SDK1: variants seen among roughly 807,000 people sequenced by gnomAD.
SDK1 encodes sidekick cell adhesion molecule 1.
Under a neutral mutation model 245.5 loss-of-function variants are expected in SDK1, and 157 were observed. The ratio of observed to expected loss-of-function variants is 0.64; its 90% CI spans 0.56 to 0.73. The LOEUF (loss-of-function observed/expected upper bound fraction) is 0.73, where lower values mean the gene tolerates loss of function less well. Ranked by LOEUF, SDK1 falls within the 30% of genes least tolerant of loss-of-function variation. The pLI, the probability that SDK1 is intolerant of heterozygous loss-of-function variation, is 0.00. For synonymous variants in SDK1, 1,647 were observed against 1,278.5 expected (o/e 1.29, Z -6.15); for missense variants, 3,583 against 3,002.3 (o/e 1.19, Z -4.52).
At chr7:3,962,607 T>C in intron 8 of SDK1, 50 bp from the exon 9 acceptor site, 1 of 1,445,340 alleles carries the variant, frequency 6.9e-7, no homozygotes, top group Non-Finnish European at 9.4e-7. Flanking sequence ...GCTTCAGTTC[T>C]CACGTCAGGA....
At chr7:3,500,885 C>T (rs1004914409) in intron 1 of SDK1, among the ~76,000 whole-genome samples, 1 of 151,594 alleles carries the variant, frequency 6.6e-6, no homozygotes, top group Non-Finnish European at 1.5e-5. Flanking sequence ...ATATTATTTT[C>T]TTCTATCATG....
chr7:4,015,840 A>C (rs1786351866), intron 16 of SDK1, among the ~76,000 whole-genome samples: 1 of 152,092 alleles, frequency 6.6e-6, no homozygotes, highest in Non-Finnish European at 1.5e-5. Context: ...TCTGCTTATC[A>C]TCATTTGTTT....
At chr7:3,630,612 G>C (rs1283023496) in intron 2 of SDK1, among the ~76,000 whole-genome samples, 3 of 151,938 alleles carry the variant, frequency 2.0e-5, no homozygotes, top group African/African-American at 4.8e-5. Context: ...CTCCAGCTTG[G>C]GTGACAGAGC....
chr7:3,971,349 C>G (rs1782472190), intron 11 of SDK1, 117 bp from the exon 12 acceptor site: 5 of 707,982 alleles, frequency 7.1e-6, no homozygotes, highest in South Asian at 3.2e-5. Context: ...CTCATTCTGC[C>G]AAGATGAGAG....
intron 1 of SDK1, among the ~76,000 whole-genome samples, chr7:3,437,637 C>G (rs944084077): frequency 2.6e-4 from 39 of 152,106 alleles, no homozygotes; most frequent in African/African-American, 9.4e-4. Context: ...TGTGATGGTG[C>G]GCGCCTGTAG....
chr7:3,625,449 A>C (rs911076705), intron 2 of SDK1, among the ~76,000 whole-genome samples: 1 of 152,198 alleles, frequency 6.6e-6, no homozygotes, highest in Non-Finnish European at 1.5e-5. Context: ...GGTGGAGACA[A>C]AGCTTGGCTC....
At chr7:3,970,541 G>A (rs1284658858) in intron 11 of SDK1, among the ~76,000 whole-genome samples, 1 of 152,148 alleles carries the variant, frequency 6.6e-6, no homozygotes, top group Non-Finnish European at 1.5e-5. Flanking sequence ...ATCAGAACTT[G>A]GCGATGACCT....
At chr7:3,307,146 G>A (rs993210376) in intron 1 of SDK1, among the ~76,000 whole-genome samples, 6 of 152,114 alleles carry the variant, frequency 3.9e-5, no homozygotes, top group Non-Finnish European at 7.4e-5. Context: ...AAGTAACCGA[G>A]CATTTTAATT....
intron 1 of SDK1, among the ~76,000 whole-genome samples, chr7:3,541,381 A>G (rs188852077): frequency 1.3e-5 from 2 of 152,320 alleles, no homozygotes; most frequent in East Asian, 3.9e-4. Context: ...AATCTAAGCC[A>G]TACGCTGGTC....
chr7:3,649,301 G>C (rs1240041426), intron 4 of SDK1, among the ~76,000 whole-genome samples: 1 of 151,986 alleles, frequency 6.6e-6, no homozygotes, highest in Non-Finnish European at 1.5e-5. Flanking sequence ...GTTATAATTT[G>C]TATATAACAA....
At chr7:3,864,914 C>G (rs530138949) in intron 5 of SDK1, among the ~76,000 whole-genome samples, 5 of 152,312 alleles carry the variant, frequency 3.3e-5, no homozygotes, top group Non-Finnish European at 5.9e-5. Flanking sequence ...GAGTAAGAAG[C>G]ATTTTCCCCC....
chr7:4,233,432 A>G lies in SDK1; in HGVS notation c.5992+13A>G, dbSNP rs1395618264. 1 of 1,608,452 alleles carries G rather than the reference A, an allele frequency of 6.2e-7. No individual in the cohort carries two copies. The highest frequency in any genetic ancestry group is 8.5e-7 in the Non-Finnish European group (1 of 1,178,738). On this transcript the variant is annotated intron_variant, in intron 41 of 44. Coordinates refer to ENST00000404826, the MANE Select transcript of SDK1 (RefSeq NM_152744.4). The stretch of plus-strand genomic sequence containing the variant: ...ACGGCTGTGTCAGGTAGGCCCTCCC[A>G]GGGAGGTCTGTCTTCTTCTGGAGGA...
chr7:3,443,100 G>A (rs1356685503), intron 1 of SDK1, among the ~76,000 whole-genome samples: 3 of 150,424 alleles, frequency 2.0e-5, no homozygotes, highest in African/African-American at 7.4e-5. Flanking sequence ...AAAGAGAAAA[G>A]TTTCAGGGTT....
At chr7:3,900,694 A>G (rs928574873) in intron 5 of SDK1, among the ~76,000 whole-genome samples, 1 of 152,086 alleles carries the variant, frequency 6.6e-6, no homozygotes, top group African/African-American at 2.4e-5. Flanking sequence ...TTCACCCACC[A>G]TGAGCATTTG....
At chr7:3,978,809 TA>T (rs1783168415) in intron 13 of SDK1, among the ~76,000 whole-genome samples, 1 of 152,230 alleles carries the variant, frequency 6.6e-6, no homozygotes, top group Non-Finnish European at 1.5e-5. Flanking sequence ...TGCTTATGAC[TA>T]AACAATGTCC....
At chr7:3,359,954 A>C (rs1267452788) in intron 1 of SDK1, among the ~76,000 whole-genome samples, 1 of 152,196 alleles carries the variant, frequency 6.6e-6, no homozygotes, top group African/African-American at 2.4e-5. Context: ...TACTTTATTT[A>C]CAGCAACAGA....
At chr7:3,927,909 C>CA (rs2128116083) in intron 5 of SDK1, among the ~76,000 whole-genome samples, 1 of 152,304 alleles carries the variant, frequency 6.6e-6, no homozygotes, top group African/African-American at 2.4e-5. Flanking sequence ...ATGACCCTTA[C>CA]AAATGAGCAG....
chr7:3,947,559 T>TGTGG (rs1780630367), intron 5 of SDK1, among the ~76,000 whole-genome samples: 1 of 151,670 alleles, frequency 6.6e-6, no homozygotes, highest in Non-Finnish European at 1.5e-5. Flanking sequence ...TGTGTGTGTG[T>TGTGG]GTGTGTGTGT....
intron 2 of SDK1, among the ~76,000 whole-genome samples, chr7:3,636,253 C>G (rs897083945): frequency 1.3e-5 from 2 of 152,118 alleles, no homozygotes; most frequent in Admixed American, 1.3e-4. Flanking sequence ...TCTTAGTAAA[C>G]TTTAAAATAT....
Sources: allele counts gnomAD v4.1 joint callset (sites outside exome capture counted in the v4.1 genomes callset), GRCh38; gene constraint gnomAD v4.1.1; transcripts MANE v1.5; gene names NCBI Gene and HGNC (gene_info 2026-07-23, HGNC 2026-07-21).